RANBP2: variants seen among roughly 807,000 people sequenced by gnomAD.
RANBP2 encodes E3 SUMO-protein ligase RanBP2.
Under a neutral mutation model 303.6 loss-of-function variants are expected in RANBP2, and 57 were observed. The ratio of observed to expected loss-of-function variants is 0.19; its 90% CI spans 0.15 to 0.23. The LOEUF (loss-of-function observed/expected upper bound fraction) is 0.23. Among genes scored for constraint, RANBP2 ranks in the 10% least tolerant of loss-of-function variants. The probability of loss-of-function intolerance (pLI) is 1.00; values close to 1 mark genes in which losing one functional copy is unlikely to be tolerated. For missense variants in RANBP2, 3,138 were observed against 3,780.8 expected (o/e 0.83, Z 4.46); for synonymous variants, 1,167 against 1,301.5 (o/e 0.90, Z 2.23).
the RANBP2 span, among the ~76,000 whole-genome samples, chr2:109,493,418 A>ATGCAAACACAGACTACACACATG: frequency 2.0e-5 from 3 of 151,452 alleles, no homozygotes; most frequent in Non-Finnish European, 1.5e-5. Context: ...CACATACATC[A>ATGCAAACACAGACTACACACATG]TGCAAACACA....
chr2:109,636,562 A>G, the RANBP2 span, among the ~76,000 whole-genome samples: 1 of 152,140 alleles, frequency 6.6e-6, no homozygotes, highest in Non-Finnish European at 1.5e-5. Context: ...AAATATGACA[A>G]CAGAATGCAA....
the RANBP2 span, among the ~76,000 whole-genome samples, chr2:109,709,148 TA>T: frequency 5.3e-4 from 79 of 149,328 alleles, no homozygotes; most frequent in African/African-American, 1.9e-3. Context: ...ACTAAAAATA[TA>T]AAAAAAATTA....
At chr2:109,432,475 A>G in the RANBP2 span, 1 of 1,611,556 alleles carries the variant, frequency 6.2e-7, no homozygotes, top group African/African-American at 1.3e-5. Flanking sequence ...GCTCCCACTG[A>G]CACTGGCCCC....
the RANBP2 span, among the ~76,000 whole-genome samples, chr2:108,820,568 C>G: frequency 6.6e-5 from 10 of 151,860 alleles, no homozygotes; most frequent in Non-Finnish European, 1.0e-4. Context: ...AAGTAAAATA[C>G]AAAGAGAATC....
chr2:108,855,130 A>T, the RANBP2 span, among the ~76,000 whole-genome samples: 3 of 152,194 alleles, frequency 2.0e-5, no homozygotes, highest in African/African-American at 7.2e-5. Flanking sequence ...TTTAGAAGTT[A>T]AATTGCTCTT....
the RANBP2 span, among the ~76,000 whole-genome samples, chr2:109,046,251 C>T: frequency 4.4e-4 from 66 of 149,796 alleles, no homozygotes; most frequent in African/African-American, 1.5e-3. Context: ...TTGCAGTGAC[C>T]CAAGATTGTG....
chr2:109,282,821 G>A, the RANBP2 span, among the ~76,000 whole-genome samples: 2 of 152,284 alleles, frequency 1.3e-5, no homozygotes, highest in East Asian at 3.9e-4. Flanking sequence ...GGGCTGGCAG[G>A]CAGGAGGAGG....
chr2:109,188,439 CA>C, the RANBP2 span, among the ~76,000 whole-genome samples: 6 of 152,222 alleles, frequency 3.9e-5, no homozygotes, highest in African/African-American at 1.4e-4. Flanking sequence ...ATCCACACAA[CA>C]GGTGTGGATG....
chr2:108,910,210 G>A, the RANBP2 span, among the ~76,000 whole-genome samples: 1 of 152,228 alleles, frequency 6.6e-6, no homozygotes, highest in East Asian at 1.9e-4. Flanking sequence ...AAGGAGGAAG[G>A]CCCAGGGAAT....
the RANBP2 span, among the ~76,000 whole-genome samples, chr2:108,945,086 G>A: frequency 6.6e-6 from 1 of 152,294 alleles, no homozygotes; most frequent in South Asian, 2.1e-4. Flanking sequence ...AATGCGCAAA[G>A]GAGTTGTGAC....
At chr2:108,931,080 CG>C in the RANBP2 span, 5 of 1,538,536 alleles carry the variant, frequency 3.2e-6, no homozygotes, top group Non-Finnish European at 3.6e-6. Flanking sequence ...GCACCCCAGC[CG>C]GGGGTCTGGC....
chr2:109,696,330 C>A, the RANBP2 span, among the ~76,000 whole-genome samples: 2 of 152,178 alleles, frequency 1.3e-5, no homozygotes, highest in African/African-American at 4.8e-5. Flanking sequence ...ATATTTAGGT[C>A]TATGATCTAT....
chr2:109,216,539 C>T, the RANBP2 span, among the ~76,000 whole-genome samples: 19 of 152,328 alleles, frequency 1.2e-4, no homozygotes, highest in South Asian at 3.9e-3. Context: ...TTCTGTGATA[C>T]AGAAAGTCAG....
chr2:108,767,338 T>C lies in RANBP2; in HGVS notation c.6799T>C (p.Phe2267Leu). The change falls in exon 20 of 29, where the codon TTT (phenylalanine) becomes CTT (leucine). Residue 2267 changes from phenylalanine to leucine, a missense_variant. Coordinates refer to ENST00000283195, the MANE Select transcript of RANBP2 (RefSeq NM_006267.5). Reference protein sequence around the residue: ...LFRFGESTTGFNFSFKSALSP... With the variant: ...LFRFGESTTGLNFSFKSALSP... ...CCGTTTTGGTGAGTCAACAACAGGA[T>C]TTAACTTCAGTTTTAAATCTGCTTT... 6.2e-7 allele frequency: 1 copy of C among 1,612,068 alleles called. No individual in the cohort carries two copies. Among genetic ancestry groups the C allele is most frequent in the Non-Finnish European group, 8.5e-7 (1 of 1,179,874 alleles).
At chr2:109,383,312 G>A in the RANBP2 span, among the ~76,000 whole-genome samples, 2 of 152,170 alleles carry the variant, frequency 1.3e-5, no homozygotes, top group Admixed American at 6.5e-5. Context: ...AGTCACTGGG[G>A]GGTCATGGGG....
At chr2:109,628,928 G>T in the RANBP2 span, among the ~76,000 whole-genome samples, 1 of 152,068 alleles carries the variant, frequency 6.6e-6, no homozygotes, top group Non-Finnish European at 1.5e-5. Flanking sequence ...ACTAGGCTGG[G>T]TGCAGTGGCT....
chr2:109,364,997 A>G, the RANBP2 span, among the ~76,000 whole-genome samples: 6 of 152,216 alleles, frequency 3.9e-5, no homozygotes, highest in Non-Finnish European at 5.9e-5. Flanking sequence ...AGACTGAGGC[A>G]GAAGGATCGT....
At chr2:109,671,966 G>C in the RANBP2 span, among the ~76,000 whole-genome samples, 2 of 151,482 alleles carry the variant, frequency 1.3e-5, no homozygotes, top group African/African-American at 4.9e-5. Context: ...CTCTTCATTC[G>C]CTTATGCTCC....
chr2:109,129,281 A>C, the RANBP2 span: 1 of 643,920 alleles, frequency 1.6e-6, no homozygotes, highest in Non-Finnish European at 2.7e-6. Context: ...GGACAGGTGT[A>C]GCCCGCAGCC....
Sources: allele counts gnomAD v4.1 joint callset (sites outside exome capture counted in the v4.1 genomes callset), GRCh38; gene constraint gnomAD v4.1.1; transcripts MANE v1.5; gene names NCBI Gene and HGNC (gene_info 2026-07-23, HGNC 2026-07-21).